CCDC50: variants seen among roughly 807,000 people sequenced by gnomAD.
CCDC50 encodes coiled-coil domain containing 50.
A neutral mutation model predicts 70.2 loss-of-function variants in CCDC50; 54 were observed. The observed-to-expected ratio is 0.77, with a 90% confidence interval of 0.62 to 0.96. The LOEUF is 0.96. Ranked by LOEUF, CCDC50 falls within the 50% of genes least tolerant of loss-of-function variation. The pLI is 0.00. For missense variants in CCDC50, 558 were observed against 578.7 expected (o/e 0.96, Z 0.37); for synonymous variants, 216 against 198.8 (o/e 1.09, Z -0.73).
chr3:191,331,139 T>C (rs1490740047), intron 1 of CCDC50, among the ~76,000 whole-genome samples: 2 of 152,152 alleles, frequency 1.3e-5, no homozygotes, highest in Non-Finnish European at 2.9e-5. Context: ...GGGTTTTTTG[T>C]GTGGGTATGT....
intron 1 of CCDC50, among the ~76,000 whole-genome samples, chr3:191,332,399 A>T (rs1718020925): frequency 6.6e-6 from 1 of 152,230 alleles, no homozygotes; most frequent in African/African-American, 2.4e-5. Context: ...AAAAGAATCA[A>T]GTCAACTAAG....
Position 191,331,930 on chromosome 3 carries a change from A to T in CCDC50, c.49+2207A>T, listed in dbSNP as rs149062613. Among the ~76,000 whole-genome samples the T allele has an allele frequency of 1.6e-3, 248 of 152,338 alleles. 1 individual carries two copies. Among genetic ancestry groups the T allele is most frequent in the African/African-American group, 5.6e-3 (233 of 41,578 alleles). The stretch of plus-strand genomic sequence containing the variant: ...TAGTAGTAATTAGTTTAATATTCTG[A>T]TGCAGATTTTTGAACCCCATTCAAA... On this transcript the variant is annotated intron_variant, in intron 1 of 11. Transcript: ENST00000392455.
chr3:191,389,712 T>C, intron 11 of CCDC50, 110 bp downstream of exon 11: 4 of 825,432 alleles, frequency 4.8e-6, no homozygotes, highest in Middle Eastern at 2.4e-4. Context: ...AAATAAGTTA[T>C]TCTGTCAGCA....
Position 191,375,483 on chromosome 3 carries a change from T to C in CCDC50, c.870T>C (p.Val290=). 1 of 1,613,444 alleles carries C rather than the reference T, an allele frequency of 6.2e-7. No homozygotes were observed. Among genetic ancestry groups the C allele is most frequent in the Non-Finnish European group, 8.5e-7 (1 of 1,179,756 alleles). Residue 290 remains valine (V), a synonymous_variant, in exon 6 of 12, where the codon GTT becomes GTC. Coordinates refer to ENST00000392455, the MANE Select transcript of CCDC50 (RefSeq NM_178335.3). ...SQKAGLHCKE[V]VYGRDHGQGE... ...AAGCAGGGCTTCACTGCAAGGAAGTTGTATATGGGAGGGACCATGGGCAAG... is the reference window on the plus strand; with the variant it reads ...AAGCAGGGCTTCACTGCAAGGAAGTCGTATATGGGAGGGACCATGGGCAAG...
chr3:191,333,852 TA>T (rs1718062456), intron 1 of CCDC50, among the ~76,000 whole-genome samples: 1 of 152,180 alleles, frequency 6.6e-6, no homozygotes, highest in Non-Finnish European at 1.5e-5. Flanking sequence ...GCATTAAATT[TA>T]TAAAAACTTC....
At chr3:191,345,054 G>A (rs1486563259) in intron 1 of CCDC50, among the ~76,000 whole-genome samples, 1 of 152,242 alleles carries the variant, frequency 6.6e-6, no homozygotes, top group South Asian at 2.1e-4. Context: ...AATTTGATGG[G>A]CACTCAGAAT....
intron 3 of CCDC50, among the ~76,000 whole-genome samples, chr3:191,359,051 G>A (rs879863932): frequency 1.3e-5 from 2 of 152,154 alleles, no homozygotes; most frequent in Non-Finnish European, 2.9e-5. Flanking sequence ...CATGAAAGGA[G>A]ACCAGAGATA....
Position 191,391,732 on chromosome 3 carries a change from C to T in CCDC50, c.1430-9C>T. ...TTAATTGTGTTTCCTTTTTTCTTCC[C>T]CTCCCCAGGTTTTCATTACAAACAT... On this transcript the variant is annotated splice_polypyrimidine_tract_variant and intron_variant, in intron 11 of 11. Transcript: ENST00000392455. 1 of 1,612,572 alleles carries T rather than the reference C, an allele frequency of 6.2e-7. No homozygotes were observed. The highest frequency in any genetic ancestry group is 8.5e-7 in the Non-Finnish European group (1 of 1,179,116).
intron 1 of CCDC50, among the ~76,000 whole-genome samples, chr3:191,343,153 C>T (rs967668408): frequency 6.6e-6 from 1 of 152,096 alleles, no homozygotes; most frequent in South Asian, 2.1e-4. Context: ...TGAGTATGCA[C>T]CTATTTTGGT....
rs1386090786 is a variant in CCDC50 at position 191,379,733 on chromosome 3, A to G, written c.977-426A>G. Among the ~76,000 whole-genome samples, 3 of 152,262 alleles carry G rather than the reference A, an allele frequency of 2.0e-5. 1 individual carries two copies. The highest frequency in any genetic ancestry group is 4.1e-4 in the South Asian group (2 of 4,828). Reference sequence around the variant, plus strand: ...GTAGTAAGTATGCAGGCTGAGATAAATAGAAAGAAGCCTCTACTCTCCTCC... The same window carrying G: ...GTAGTAAGTATGCAGGCTGAGATAAGTAGAAAGAAGCCTCTACTCTCCTCC... On this transcript the variant is annotated intron_variant, in intron 6 of 11. Coordinates refer to ENST00000392455, the MANE Select transcript of CCDC50 (RefSeq NM_178335.3).
At chr3:191,369,151 G>A (rs963822685) in intron 4 of CCDC50, among the ~76,000 whole-genome samples, 18 of 152,030 alleles carry the variant, frequency 1.2e-4, no homozygotes, top group Admixed American at 9.2e-4. Flanking sequence ...TTGCCTGTCG[G>A]AATTCAGTTC....
At chr3:191,343,269 T>C (rs1711797191) in intron 1 of CCDC50, among the ~76,000 whole-genome samples, 1 of 152,152 alleles carries the variant, frequency 6.6e-6, no homozygotes. Flanking sequence ...ACATAAGTGA[T>C]GTTAGTTTGT....
intron 5 of CCDC50, among the ~76,000 whole-genome samples, chr3:191,372,024 G>T (rs1712931753): frequency 2.0e-5 from 3 of 152,076 alleles, no homozygotes; most frequent in Admixed American, 1.3e-4. Flanking sequence ...GGAATTAAAT[G>T]CATTAAACTG....
chr3:191,357,098 T>G lies in CCDC50; in HGVS notation c.60T>G (p.Asp20Glu). The change falls in exon 2 of 12, where the codon GAT becomes GAG. Residue 20 changes from aspartate (D) to glutamate (E), a missense_variant. Transcript: ENST00000392455. The stretch of plus-strand genomic sequence containing the variant: ...CTCCATCTACTCTAGTATGCCGAGA[T>G]TTTGCTGTCCTGGAGGACCACACCC... ...KLPGVKEVCR[D>E]FAVLEDHTLA... 2 of 1,611,858 alleles carry G rather than the reference T, an allele frequency of 1.2e-6. No homozygotes were observed. The highest frequency in any genetic ancestry group is 1.7e-6 in the Non-Finnish European group (2 of 1,178,070).
At chr3:191,349,718 A>G (rs1190071473) in intron 1 of CCDC50, among the ~76,000 whole-genome samples, 1 of 141,424 alleles carries the variant, frequency 7.1e-6, no homozygotes, top group Non-Finnish European at 1.6e-5. Flanking sequence ...AAACCCTTAA[A>G]TTTATACAAT....
intron 10 of CCDC50, 66 bp downstream of exon 10, chr3:191,382,891 C>T: frequency 1.7e-6 from 2 of 1,169,786 alleles, no homozygotes; most frequent in East Asian, 2.4e-5. Flanking sequence ...GATTTCAGTT[C>T]CCTAAGAAGA....
chr3:191,356,152 A>C (rs1461229112), intron 1 of CCDC50, among the ~76,000 whole-genome samples: 1 of 152,164 alleles, frequency 6.6e-6, no homozygotes, highest in Non-Finnish European at 1.5e-5. Flanking sequence ...ACATGCTTGG[A>C]ATAGAGTGAG....
chr3:191,391,720 C>CT (rs1373491683), intron 11 of CCDC50, 21 bp from the exon 12 acceptor site: 1 of 1,611,618 alleles, frequency 6.2e-7, no homozygotes, highest in African/African-American at 1.3e-5. Context: ...ATTGTGTTTC[C>CT]TTTTTTCTTC....
In CCDC50 at chr3:191,375,488, A is replaced by G. The variant is rs1336349397; in HGVS notation, c.875A>G (p.Tyr292Cys). Residue 292 changes from tyrosine to cysteine, a missense_variant, in exon 6 of 12, where the codon TAT becomes TGT. Tyr to Cys is a radical substitution (Grantham distance 194, BLOSUM62 -2). Coordinates refer to ENST00000392455, the MANE Select transcript of CCDC50 (RefSeq NM_178335.3). ...KAGLHCKEVV[Y>C]GRDHGQGEHR... ...GGGCTTCACTGCAAGGAAGTTGTAT[A>G]TGGGAGGGACCATGGGCAAGGTGAG... 1.2e-6 allele frequency: 2 copies of G among 1,613,724 alleles called. No individual in the cohort carries two copies. The highest frequency in any genetic ancestry group is 1.7e-5 in the Admixed American group (1 of 59,952).
Sources: gnomAD v4.1 joint callset for allele counts (sites outside exome capture counted in the v4.1 genomes callset) on GRCh38, gnomAD v4.1.1 for gene constraint, MANE v1.5 for transcripts, NCBI Gene and HGNC (gene_info 2026-07-23, HGNC 2026-07-21) for gene names.